The following SGCD variants were observed in gnomAD, a reference collection of about 807,000 sequenced individuals.
SGCD encodes the protein sarcoglycan delta.
In SGCD, 18 loss-of-function variants were observed where a neutral mutation model predicts 36.6. That is an observed-to-expected ratio of 0.49 (90% CI 0.34 to 0.73). The LOEUF (loss-of-function observed/expected upper bound fraction) is 0.73. Ranked by LOEUF, SGCD falls within the 30% of genes least tolerant of loss-of-function variation. SGCD has a pLI of 0.01. For missense variants in SGCD, 387 were observed against 346.7 expected (o/e 1.12, Z -0.92); for synonymous variants, 133 against 130.6 (o/e 1.02, Z -0.12).
chr5:156,675,488 A>G (rs1194132235), intron 7 of SGCD, among the ~76,000 whole-genome samples: 1 of 152,194 alleles, frequency 6.6e-6, no homozygotes, highest in Non-Finnish European at 1.5e-5. Context: ...AGGATGGACC[A>G]ATTAATTTGC....
chr5:156,412,079 A>T, intron 3 of SGCD, among the ~76,000 whole-genome samples: 1 of 152,206 alleles, frequency 6.6e-6, no homozygotes, highest in East Asian at 1.9e-4. Flanking sequence ...TCTAGGGTGG[A>T]CCTTGATAGA....
intron 2 of SGCD, among the ~76,000 whole-genome samples, chr5:156,343,048 C>T (rs1042190274): frequency 1.4e-4 from 21 of 152,004 alleles, no homozygotes; most frequent in African/African-American, 3.4e-4. Flanking sequence ...TGATGCCTAA[C>T]GGCCATGAGT....
At chr5:156,233,741 C>G (rs1765080358) in intron 3 of SGCD, among the ~76,000 whole-genome samples, 1 of 152,228 alleles carries the variant, frequency 6.6e-6, no homozygotes, top group Admixed American at 6.5e-5. Flanking sequence ...CAGCTAGAGC[C>G]AGGCAGGGTG....
intron 3 of SGCD, among the ~76,000 whole-genome samples, chr5:156,160,184 A>C (rs1250472121): frequency 1.3e-5 from 2 of 151,684 alleles, no homozygotes; most frequent in East Asian, 3.8e-4. Context: ...ATCTCAGAAA[A>C]GGAAATATGT....
At chr5:156,362,030 G>A (rs894914028) in intron 3 of SGCD, among the ~76,000 whole-genome samples, 3 of 152,192 alleles carry the variant, frequency 2.0e-5, no homozygotes, top group Non-Finnish European at 2.9e-5. Context: ...GGAAAAGCAA[G>A]TTCAAAAGCC....
intron 6 of SGCD, among the ~76,000 whole-genome samples, chr5:156,615,020 T>C (rs1761970254): frequency 6.6e-6 from 1 of 152,230 alleles, no homozygotes; most frequent in African/African-American, 2.4e-5. Flanking sequence ...GCTTATAACT[T>C]GGCCCATTCA....
chr5:156,440,702 T>A (rs756577163), intron 3 of SGCD, among the ~76,000 whole-genome samples: 2 of 152,148 alleles, frequency 1.3e-5, no homozygotes, highest in African/African-American at 4.8e-5. Context: ...CATTTCCCTA[T>A]TGATGAATGA....
In SGCD at chr5:156,269,526, A is replaced by C. The variant is rs1438686116; in HGVS notation, c.-43-60008A>C. 1.4e-5 allele frequency among the ~76,000 whole-genome samples: 2 copies of C among 146,260 alleles called. 1 individual carries two copies. The highest frequency in any genetic ancestry group is 3.0e-5 in the Non-Finnish European group (2 of 66,732). On this transcript the variant is annotated intron_variant, in intron 3 of 9. Transcript: ENST00000517913. ...AAAAAAAAAACCATCAGATCTCATG[A>C]AACTTATTCACTATCATGAGGATAG... is the stretch of plus-strand genomic sequence containing the variant.
intron 6 of SGCD, among the ~76,000 whole-genome samples, chr5:156,608,980 G>T (rs1436297054): frequency 2.0e-5 from 3 of 151,964 alleles, no homozygotes; most frequent in African/African-American, 7.3e-5. Flanking sequence ...CACACTGATG[G>T]GTCTTGACTC....
chr5:156,099,901 A>T (rs950559574), intron 1 of SGCD, among the ~76,000 whole-genome samples: 1 of 150,782 alleles, frequency 6.6e-6, no homozygotes, highest in Non-Finnish European at 1.5e-5. Context: ...ATGTTAATAT[A>T]TGCAGTGAAA....
chr5:156,223,133 C>T (rs1764760635), intron 3 of SGCD, among the ~76,000 whole-genome samples: 1 of 151,944 alleles, frequency 6.6e-6, no homozygotes, highest in Non-Finnish European at 1.5e-5. Flanking sequence ...CTTTTTCCTA[C>T]CTTGGATATA....
chr5:156,566,037 G>A (rs1454191697), intron 4 of SGCD, among the ~76,000 whole-genome samples: 2 of 152,038 alleles, frequency 1.3e-5, no homozygotes, highest in Non-Finnish European at 2.9e-5. Flanking sequence ...AGTGGCCAAA[G>A]GATATGAACA....
intron 1 of SGCD, among the ~76,000 whole-genome samples, chr5:155,955,544 T>A (rs1757633329): frequency 6.6e-6 from 1 of 152,120 alleles, no homozygotes; most frequent in Admixed American, 6.5e-5. Flanking sequence ...ATCTTTCTCA[T>A]TTTTCTTTGT....
At chr5:155,742,528 A>G in the SGCD span, among the ~76,000 whole-genome samples, 33 of 152,334 alleles carry the variant, frequency 2.2e-4, no homozygotes, top group African/African-American at 7.7e-4. Context: ...GAGGATTCAG[A>G]GAAGGAAGTG....
intron 4 of SGCD, among the ~76,000 whole-genome samples, chr5:156,537,473 A>G (rs1232262816): frequency 6.9e-6 from 1 of 145,672 alleles, no homozygotes; most frequent in Non-Finnish European, 1.5e-5. Context: ...ACACACACAC[A>G]CACACACACA....
intron 1 of SGCD, among the ~76,000 whole-genome samples, chr5:156,108,753 C>A (rs116562807): frequency 0.011 from 1,656 of 152,116 alleles, 13 homozygotes; most frequent in Middle Eastern, 0.048. Flanking sequence ...TCAGTAGAAA[C>A]TCATGGATAA....
chr5:156,554,080 G>C (rs1002799077), intron 4 of SGCD, among the ~76,000 whole-genome samples: 1 of 152,192 alleles, frequency 6.6e-6, no homozygotes, highest in Admixed American at 6.5e-5. Flanking sequence ...TTGAGACCAG[G>C]TGCAGTGGCT....
intron 1 of SGCD, among the ~76,000 whole-genome samples, chr5:156,022,300 A>C (rs80274562): frequency 0.019 from 2,853 of 152,302 alleles, 93 homozygotes; most frequent in African/African-American, 0.064. Context: ...GCTTCTAAAA[A>C]TACCTCACAG....
chr5:156,524,295 A>G lies in SGCD; in HGVS notation c.294+15593A>G, dbSNP rs550994403. Among the ~76,000 whole-genome samples the G allele has an allele frequency of 8.1e-4, 116 of 143,072 alleles. 3 individuals are homozygous for G. The East Asian group carries it at 0.02, about 25-fold the overall frequency. 93.9% of individuals were successfully genotyped at this position (143,072 alleles called of 152,430 possible). ...TATAGTAATATATATAGTTATATATATATATATATATCATCATGCAGGAGT... is the reference window on the plus strand; with the variant it reads ...TATAGTAATATATATAGTTATATATGTATATATATATCATCATGCAGGAGT... On this transcript the variant is annotated intron_variant, in intron 4 of 8. Coordinates refer to ENST00000337851, the MANE Select transcript of SGCD (RefSeq NM_000337.6).
Sources: allele counts gnomAD v4.1 joint callset (sites outside exome capture counted in the v4.1 genomes callset), GRCh38; gene constraint gnomAD v4.1.1; transcripts MANE v1.5; gene names NCBI Gene and HGNC (gene_info 2026-07-23, HGNC 2026-07-21).